NXPH1: variants seen among roughly 807,000 people sequenced by gnomAD.
The protein encoded by NXPH1 is neurexophilin-1.
Under a neutral mutation model 23.7 loss-of-function variants are expected in NXPH1, and 5 were observed. The observed-to-expected ratio is 0.21, with a 90% CI of 0.11 to 0.44. NXPH1 has a LOEUF of 0.44. Among genes scored for constraint, NXPH1 ranks in the 20% least tolerant of loss-of-function variants. The probability of loss-of-function intolerance (pLI) is 0.99; values close to 1 mark genes in which losing one functional copy is unlikely to be tolerated. For synonymous variants in NXPH1, 144 were observed against 122.2 expected (o/e 1.18, Z -1.18); for missense variants, 324 against 321.6 (o/e 1.01, Z -0.06).
Position 8,612,128 on chromosome 7 carries a change from CT to C in NXPH1, c.55-138872del, listed in dbSNP as rs200158903. Among the ~76,000 whole-genome samples the C allele has an allele frequency of 3.5e-3, 536 of 151,590 alleles. 4 individuals carry two copies. Among genetic ancestry groups the C allele is most frequent in the African/African-American group, 0.012 (497 of 41,350 alleles). On this transcript the variant is annotated intron_variant, in intron 2 of 2. Transcript: ENST00000405863. The stretch of plus-strand genomic sequence containing the variant: ...TGTTCAGTGTTTGAGTTCTTTTTCT[CT>C]TTTTTTTCCCTTCCCCTTCTTTCCT...
intron 2 of NXPH1, among the ~76,000 whole-genome samples, chr7:8,720,556 GA>G (rs1488133278): frequency 6.6e-6 from 1 of 152,136 alleles, no homozygotes; most frequent in African/African-American, 2.4e-5. Context: ...CCAGCAAATG[GA>G]TTTTAAAAAA....
intron 2 of NXPH1, among the ~76,000 whole-genome samples, chr7:8,726,797 C>T (rs1281466084): frequency 4.6e-5 from 7 of 150,642 alleles, no homozygotes; most frequent in Non-Finnish European, 8.9e-5. Context: ...AATAAACATA[C>T]GTGTGCATGT....
chr7:8,596,717 C>A (rs1819232865), intron 2 of NXPH1, among the ~76,000 whole-genome samples: 1 of 152,000 alleles, frequency 6.6e-6, no homozygotes, highest in Non-Finnish European at 1.5e-5. Flanking sequence ...CATTAAGGCA[C>A]AGAGAGGTTA....
chr7:8,616,863 A>G (rs1283369896), intron 2 of NXPH1, among the ~76,000 whole-genome samples: 1 of 151,810 alleles, frequency 6.6e-6, no homozygotes, highest in African/African-American at 2.4e-5. Flanking sequence ...TAAAAAAAAA[A>G]AAAACCACTC....
At chr7:8,654,915 T>A (rs1344446082) in intron 2 of NXPH1, among the ~76,000 whole-genome samples, 2 of 152,092 alleles carry the variant, frequency 1.3e-5, no homozygotes, top group Non-Finnish European at 2.9e-5. Flanking sequence ...GTGTGTCTAA[T>A]CATCCAAGGG....
chr7:8,748,480 C>A (rs1057429595), intron 2 of NXPH1, among the ~76,000 whole-genome samples: 3 of 152,192 alleles, frequency 2.0e-5, no homozygotes, highest in African/African-American at 7.2e-5. Flanking sequence ...GGGGAGCAGA[C>A]ACTTTAAAAG....
At chr7:8,512,936 C>G (rs1817633861) in intron 2 of NXPH1, among the ~76,000 whole-genome samples, 1 of 152,104 alleles carries the variant, frequency 6.6e-6, no homozygotes, top group Non-Finnish European at 1.5e-5. Context: ...ACTTATGACA[C>G]ACTGGATATA....
chr7:8,751,773 T>C lies in NXPH1; in HGVS notation c.*4T>C. 1 of 1,603,758 alleles carries C rather than the reference T, an allele frequency of 6.2e-7. No individual in the cohort carries two copies. The highest frequency in any genetic ancestry group is 1.1e-5 in the South Asian group (1 of 90,070). ...ACCTTACTTTCCCTCGGGATGAAGG[T>C]GAACATGGGGGTGAGACTGAAGCCT... On this transcript the variant is annotated 3_prime_UTR_variant, in exon 3 of 3. Coordinates refer to ENST00000405863, the MANE Select transcript of NXPH1 (RefSeq NM_152745.3). The surrounding 1 kb of genome is among the most constrained non-coding windows in gnomAD (Gnocchi z 4.5).
chr7:8,517,712 G>C (rs1331030497), intron 2 of NXPH1, among the ~76,000 whole-genome samples: 1 of 152,144 alleles, frequency 6.6e-6, no homozygotes, highest in Non-Finnish European at 1.5e-5. Flanking sequence ...GTGGAGCGGA[G>C]GTCAGGGAAG....
At chr7:8,590,095 G>A (rs1219784589) in intron 2 of NXPH1, among the ~76,000 whole-genome samples, 4 of 152,008 alleles carry the variant, frequency 2.6e-5, no homozygotes, top group Admixed American at 2.6e-4. Context: ...CTTGACCCAT[G>A]TCCTGGCTTC....
At chr7:8,726,485 C>A (rs892269145) in intron 2 of NXPH1, among the ~76,000 whole-genome samples, 5 of 114,912 alleles carry the variant, frequency 4.4e-5, no homozygotes, top group South Asian at 3.6e-4. Flanking sequence ...TCCCTCCCCC[C>A]TCCCCCCACC....
chr7:8,665,976 T>C (rs1820757636), intron 2 of NXPH1, among the ~76,000 whole-genome samples: 1 of 143,708 alleles, frequency 7.0e-6, no homozygotes, highest in African/African-American at 2.5e-5. Context: ...GACCATGTCA[T>C]CTACAAACAG....
chr7:8,665,036 A>T (rs12532731), intron 2 of NXPH1, among the ~76,000 whole-genome samples: 1 of 151,304 alleles, frequency 6.6e-6, no homozygotes, highest in African/African-American at 2.4e-5. Context: ...ATGTAATCCA[A>T]TTGTCTGTTT....
At chr7:8,689,331 A>T (rs983541417) in intron 2 of NXPH1, among the ~76,000 whole-genome samples, 2 of 140,796 alleles carry the variant, frequency 1.4e-5, no homozygotes, top group Non-Finnish European at 3.1e-5. Context: ...AAAAAAAAAA[A>T]CCAACTTACT....
At chr7:8,651,365 C>G (rs900549873) in intron 2 of NXPH1, among the ~76,000 whole-genome samples, 4 of 99,184 alleles carry the variant, frequency 4.0e-5, no homozygotes, top group Non-Finnish European at 4.3e-5. Flanking sequence ...TTAATCCAGT[C>G]TATCATTGTT....
At chr7:8,594,462 T>C (rs1000525271) in intron 2 of NXPH1, among the ~76,000 whole-genome samples, 16 of 152,080 alleles carry the variant, frequency 1.1e-4, no homozygotes, top group African/African-American at 2.4e-4. Flanking sequence ...CATATTTTTT[T>C]AACTACAGTG....
At chr7:8,745,828 A>G (rs527485064) in intron 2 of NXPH1, among the ~76,000 whole-genome samples, 1 of 150,548 alleles carries the variant, frequency 6.6e-6, no homozygotes, top group Non-Finnish European at 1.5e-5. Flanking sequence ...TGGCCTCCCA[A>G]AGTGCTAGGA....
chr7:8,435,263 C>T lies in NXPH1; in HGVS notation c.-110-341C>T, dbSNP rs1213113716. 3 of 228,706 alleles carry T rather than the reference C, an allele frequency of 1.3e-5. No individual in the cohort carries two copies. The highest frequency in any genetic ancestry group is 2.5e-4 in the East Asian group (2 of 8,112). The allele number at this position is 228,706 out of a possible 1,614,324, so 14.2% of individuals were successfully genotyped here. On this transcript the variant is annotated intron_variant, in intron 1 of 2. Coordinates refer to ENST00000405863, the MANE Select transcript of NXPH1 (RefSeq NM_152745.3). This position sits in a 1 kb window ranked among gnomAD's most constrained non-coding sequence, Gnocchi z 5.9. ...GCCGCCTTTAGTCCGAGCCGCCGGG[C>T]CACCCAACACAAGGGCAGGTCTCGC...
chr7:8,727,030 A>G (rs1196242213), intron 2 of NXPH1, among the ~76,000 whole-genome samples: 1 of 145,872 alleles, frequency 6.9e-6, no homozygotes, highest in Admixed American at 6.8e-5. Flanking sequence ...TTGTCATTCT[A>G]ACTGGTGTGA....
Sources: gnomAD v4.1 joint callset for allele counts (sites outside exome capture counted in the v4.1 genomes callset) on GRCh38, gnomAD v4.1.1 for gene constraint, Gnocchi (gnomAD v3.1) non-coding constraint, MANE v1.5 for transcripts, NCBI Gene and HGNC (gene_info 2026-07-23, HGNC 2026-07-21) for gene names.